The following PAK3 variants were observed in gnomAD, a reference collection of about 807,000 sequenced individuals.
The protein encoded by PAK3 is serine/threonine-protein kinase PAK 3.
In PAK3, 4 loss-of-function variants were observed where a neutral mutation model predicts 41.0. The ratio of observed to expected loss-of-function variants is 0.10; its 90% CI spans 0.05 to 0.22. The LOEUF is 0.22. Ranked by LOEUF, PAK3 falls within the 10% of genes least tolerant of loss-of-function variation. PAK3 has a pLI of 1.00. For missense variants in PAK3, 205 were observed against 409.9 expected (o/e 0.50, Z 4.32); for synonymous variants, 146 against 139.6 (o/e 1.05, Z -0.32).
intron 11 of PAK3, among the ~76,000 whole-genome samples, chrX:111,181,177 T>C (rs1206959353): frequency 8.9e-6 from 1 of 112,184 alleles, no homozygotes; most frequent in East Asian, 2.8e-4. Context: ...CAAAAGGCTA[T>C]CCTGAAGAAT....
At chrX:111,209,512 T>G (rs1263467939) in intron 16 of PAK3, among the ~76,000 whole-genome samples, 1 of 112,165 alleles carries the variant, frequency 8.9e-6, no homozygotes, top group Middle Eastern at 4.2e-3. Context: ...CATTGTATGT[T>G]AAGTCGACTT....
chrX:111,077,714 G>T (rs1209041982), intron 1 of PAK3, among the ~76,000 whole-genome samples: 1 of 111,563 alleles, frequency 9.0e-6, no homozygotes, highest in Non-Finnish European at 1.9e-5. Flanking sequence ...TACTAGAAGA[G>T]AATATAGGGA....
intron 1 of PAK3, among the ~76,000 whole-genome samples, chrX:110,971,492 G>A (rs2091206898): frequency 8.9e-6 from 1 of 111,902 alleles, no homozygotes; most frequent in South Asian, 3.7e-4. Flanking sequence ...TTCATCAGTT[G>A]AATATTTAGG....
intron 4 of PAK3, among the ~76,000 whole-genome samples, chrX:111,118,460 A>G (rs2093507744): frequency 9.0e-6 from 1 of 110,648 alleles, no homozygotes; most frequent in African/African-American, 3.3e-5. Context: ...TCAGATATAT[A>G]TATATATGTA....
At chrX:111,118,811 CAG>C (rs1342490086) in intron 4 of PAK3, among the ~76,000 whole-genome samples, 4 of 111,707 alleles carry the variant, frequency 3.6e-5, no homozygotes, top group Non-Finnish European at 5.6e-5. Context: ...TGAAAGCAGA[CAG>C]AATAATACAG....
At chrX:111,144,835 G>C in intron 6 of PAK3, 1 of 981,485 alleles carries the variant, frequency 1.0e-6, no homozygotes, top group Non-Finnish European at 1.4e-6. Flanking sequence ...CCTTTATATT[G>C]CCATTTTTGT....
intron 1 of PAK3, among the ~76,000 whole-genome samples, chrX:111,027,898 C>T (rs1371095574): frequency 1.8e-5 from 2 of 108,692 alleles, no homozygotes; most frequent in South Asian, 7.9e-4. Context: ...TTTGCAATTG[C>T]ATACATATGG....
intron 1 of PAK3, among the ~76,000 whole-genome samples, chrX:111,069,772 T>C (rs1283726884): frequency 1.8e-5 from 2 of 111,214 alleles, no homozygotes; most frequent in African/African-American, 6.5e-5. Context: ...TAATTTGTTT[T>C]CCAAATGAAT....
chrX:111,046,019 T>G (rs1241739556), intron 1 of PAK3, among the ~76,000 whole-genome samples: 1 of 111,823 alleles, frequency 8.9e-6, no homozygotes, highest in Non-Finnish European at 1.9e-5. Flanking sequence ...TAATCTCATC[T>G]CTTATTGTTA....
At chrX:111,158,043 C>CTT (rs966103857) in intron 8 of PAK3, among the ~76,000 whole-genome samples, 1 of 111,662 alleles carries the variant, frequency 9.0e-6, no homozygotes, top group Non-Finnish European at 1.9e-5. Flanking sequence ...GTTTATTAAA[C>CTT]TTAGAGTGAC....
chrX:111,028,247 A>G (rs1396337726), intron 1 of PAK3, among the ~76,000 whole-genome samples: 3 of 107,881 alleles, frequency 2.8e-5, no homozygotes, highest in Admixed American at 2.0e-4. Flanking sequence ...GACTTGGGGG[A>G]AAGGGTGGGA....
intron 6 of PAK3, chrX:111,144,714 T>C: frequency 3.0e-6 from 1 of 338,544 alleles, no homozygotes; most frequent in Admixed American, 5.1e-5. Flanking sequence ...TGATTACTCT[T>C]TGGCTAATTG....
intron 8 of PAK3, among the ~76,000 whole-genome samples, chrX:111,157,071 A>AT (rs1232115996): frequency 9.0e-6 from 1 of 111,152 alleles, no homozygotes; most frequent in Non-Finnish European, 1.9e-5. Flanking sequence ...GTACTGGTTA[A>AT]TTTTTTTTAA....
At chrX:111,003,783 T>C (rs1230130993) in intron 1 of PAK3, among the ~76,000 whole-genome samples, 2 of 111,279 alleles carry the variant, frequency 1.8e-5, no homozygotes, top group African/African-American at 3.3e-5. Context: ...AAGAAGACAA[T>C]ATCATGAAAA....
intron 16 of PAK3, among the ~76,000 whole-genome samples, chrX:111,213,784 T>C (rs912898185): frequency 1.8e-5 from 2 of 112,119 alleles, no homozygotes; most frequent in African/African-American, 6.5e-5. Flanking sequence ...AATAAAGGAA[T>C]AAAGATGTTT....
At chrX:110,961,082 C>T (rs2090969233) in intron 1 of PAK3, among the ~76,000 whole-genome samples, 1 of 111,257 alleles carries the variant, frequency 9.0e-6, no homozygotes, top group African/African-American at 3.3e-5. Context: ...GATCTTGTTC[C>T]TGGCTGCACA....
intron 1 of PAK3, among the ~76,000 whole-genome samples, chrX:111,061,092 A>G (rs2092651832): frequency 9.0e-6 from 1 of 111,414 alleles, no homozygotes; most frequent in Non-Finnish European, 1.9e-5. Flanking sequence ...GTTTATTATT[A>G]TATTCTAGAT....
chrX:111,086,061 TTGTGTGTGTGTG>T (rs754802946), intron 1 of PAK3, among the ~76,000 whole-genome samples: 1 of 81,754 alleles, frequency 1.2e-5, no homozygotes. Context: ...TGATGTCAGC[TTGTGTGTGTGTG>T]TGTGTGTGTG....
chrX:111,149,387 G>C lies in PAK3; in HGVS notation c.430+1497G>C, dbSNP rs756493689. 1.2e-4 allele frequency among the ~76,000 whole-genome samples: 14 copies of C among 112,019 alleles called. No individual in the cohort carries two copies. The East Asian group carries it at 4.0e-3, about 32-fold the overall frequency. On this transcript the variant is annotated intron_variant, in intron 7 of 17. Coordinates refer to ENST00000372007, the MANE Select transcript of PAK3 (RefSeq NM_002578.5). ...TGGCCCTCTTCTCACAGCTCCACTA[G>C]GCAGTGCCCTAGTAGGGACTCTGTG...
Sources: gnomAD v4.1 joint callset for allele counts (sites outside exome capture counted in the v4.1 genomes callset) on GRCh38, gnomAD v4.1.1 for gene constraint, MANE v1.5 for transcripts, NCBI Gene and HGNC (gene_info 2026-07-23, HGNC 2026-07-21) for gene names.